The following BCKDHB variants were observed in gnomAD, a reference collection of about 807,000 sequenced individuals.
The protein encoded by BCKDHB is branched chain keto acid dehydrogenase E1 subunit beta, also known as 2-oxoisovalerate dehydrogenase subunit beta, mitochondrial.
Under a neutral mutation model 48.5 loss-of-function variants are expected in BCKDHB, and 41 were observed. The observed-to-expected ratio is 0.85, with a 90% CI of 0.66 to 1.10. The LOEUF is 1.10. BCKDHB is among the 50% of genes least tolerant of loss of function. BCKDHB has a pLI of 0.00. For synonymous variants in BCKDHB, 201 were observed against 174.8 expected (o/e 1.15, Z -1.18); for missense variants, 496 against 494.2 (o/e 1.00, Z -0.03).
chr6:80,435,433 C>A, the BCKDHB span, among the ~76,000 whole-genome samples: 1 of 152,136 alleles, frequency 6.6e-6, no homozygotes, highest in Non-Finnish European at 1.5e-5. Context: ...TCATTCATAA[C>A]TTTATTATTT....
the BCKDHB span, among the ~76,000 whole-genome samples, chr6:80,358,327 A>C: frequency 6.6e-6 from 1 of 152,154 alleles, no homozygotes; most frequent in Non-Finnish European, 1.5e-5. Context: ...ATGGGTGTGC[A>C]TTTTTTAATC....
intron 1 of BCKDHB, among the ~76,000 whole-genome samples, chr6:80,123,003 C>T (rs959237863): frequency 1.4e-4 from 20 of 140,368 alleles, no homozygotes; most frequent in Admixed American, 1.4e-3. Context: ...CATTCCTTTC[C>T]CTGGGTATTA....
At chr6:80,171,133 TTAA>T (rs1471100984) in intron 5 of BCKDHB, 146 bp from the exon 6 acceptor site, 28 of 570,450 alleles carry the variant, frequency 4.9e-5, no homozygotes, top group South Asian at 1.2e-4. Flanking sequence ...ATATGTAAAC[TTAA>T]TAAGTGATAA....
chr6:80,415,220 T>G, the BCKDHB span, among the ~76,000 whole-genome samples: 1 of 152,194 alleles, frequency 6.6e-6, no homozygotes, highest in Admixed American at 6.5e-5. Flanking sequence ...AGGGATGGTT[T>G]GACTTCCTCT....
the BCKDHB span, among the ~76,000 whole-genome samples, chr6:80,401,823 A>AT: frequency 1.3e-5 from 2 of 151,874 alleles, no homozygotes; most frequent in Admixed American, 1.3e-4. Context: ...AAATTATATT[A>AT]TACAGTAATT....
At chr6:80,405,978 GC>G in the BCKDHB span, among the ~76,000 whole-genome samples, 2 of 151,804 alleles carry the variant, frequency 1.3e-5, no homozygotes, top group African/African-American at 4.8e-5. Flanking sequence ...CCTCCTCCAG[GC>G]CCCCGCCCCC....
At chr6:80,374,326 A>C in the BCKDHB span, 2 of 956,150 alleles carry the variant, frequency 2.1e-6, no homozygotes, top group Admixed American at 3.4e-5. Context: ...TTGGGCCACC[A>C]ACCTTGTGTC....
Position 80,330,806 on chromosome 6 carries a change from A to G in BCKDHB, c.1039-12858A>G, listed in dbSNP as rs1769288231. ...TTTTCTTGTCAGTTTTCCTTCTCAT[A>G]TGACATTTGCTCCTAAAATACCCAA... On this transcript the variant is annotated intron_variant, in intron 9 of 9. Transcript: ENST00000320393. Among the ~76,000 whole-genome samples, 4 of 152,148 alleles carry G rather than the reference A, an allele frequency of 2.6e-5. No individual in the cohort carries two copies. In the South Asian group the frequency reaches 8.3e-4, roughly 32 times the overall value.
chr6:80,341,204 G>A (rs1769885047), intron 9 of BCKDHB, among the ~76,000 whole-genome samples: 2 of 152,034 alleles, frequency 1.3e-5, no homozygotes, highest in Non-Finnish European at 2.9e-5. Flanking sequence ...ACAACTTAAT[G>A]CTACATAATT....
chr6:80,213,368 G>A (rs1025570297), intron 8 of BCKDHB, among the ~76,000 whole-genome samples: 1 of 152,092 alleles, frequency 6.6e-6, no homozygotes, highest in Non-Finnish European at 1.5e-5. Flanking sequence ...TACTTTGAAA[G>A]GCAAAGTGAA....
chr6:80,329,399 G>T (rs1033133095), intron 9 of BCKDHB, among the ~76,000 whole-genome samples: 1 of 152,096 alleles, frequency 6.6e-6, no homozygotes, highest in Admixed American at 6.6e-5. Context: ...ATATTTCTGG[G>T]TATCCTATAA....
At chr6:80,167,580 T>C (rs917659068) in intron 3 of BCKDHB, 98 bp from the exon 4 acceptor site, 17 of 1,260,164 alleles carry the variant, frequency 1.3e-5, no homozygotes, top group Non-Finnish European at 1.9e-5. Context: ...TGTTCTATAC[T>C]TCTCCATCCC....
the BCKDHB span, among the ~76,000 whole-genome samples, chr6:80,391,064 T>C: frequency 6.6e-6 from 1 of 152,178 alleles, no homozygotes; most frequent in Admixed American, 6.5e-5. Flanking sequence ...AGACTCAGAC[T>C]GACTTCTTGC....
intron 4 of BCKDHB, 68 bp downstream of exon 4, chr6:80,167,879 A>C: frequency 7.0e-7 from 1 of 1,438,268 alleles, no homozygotes. Flanking sequence ...CTACCCTTCC[A>C]CCCACCCTTA....
chr6:80,216,459 T>C (rs1486581027), intron 8 of BCKDHB, among the ~76,000 whole-genome samples: 1 of 152,210 alleles, frequency 6.6e-6, no homozygotes, highest in Non-Finnish European at 1.5e-5. Context: ...GCATTTTTTT[T>C]CCTTCCACAT....
At chr6:80,307,340 G>A (rs1411743765) in intron 9 of BCKDHB, 1 of 847,506 alleles carries the variant, frequency 1.2e-6, no homozygotes, top group Non-Finnish European at 1.4e-6. Flanking sequence ...TGCATTGACA[G>A]ATATTTAATA....
intron 9 of BCKDHB, among the ~76,000 whole-genome samples, chr6:80,275,205 T>C (rs1777918505): frequency 6.6e-6 from 1 of 152,172 alleles, no homozygotes; most frequent in East Asian, 1.9e-4. Context: ...TTTTTACAGA[T>C]GAGTGTCATC....
At chr6:80,314,971 T>C (rs931828573) in intron 9 of BCKDHB, among the ~76,000 whole-genome samples, 10 of 152,180 alleles carry the variant, frequency 6.6e-5, no homozygotes, top group African/African-American at 2.4e-4. Flanking sequence ...GCTGAGTTGT[T>C]TAAACTGCAG....
the BCKDHB span, among the ~76,000 whole-genome samples, chr6:80,424,658 C>T: frequency 6.6e-6 from 1 of 152,180 alleles, no homozygotes; most frequent in Non-Finnish European, 1.5e-5. Flanking sequence ...ATTAGTGATA[C>T]ATTGACACCT....
Sources: gnomAD v4.1 joint callset for allele counts (sites outside exome capture counted in the v4.1 genomes callset) on GRCh38, gnomAD v4.1.1 for gene constraint, MANE v1.5 for transcripts, NCBI Gene and HGNC (gene_info 2026-07-23, HGNC 2026-07-21) for gene names.